GATA4: variants seen among roughly 807,000 people sequenced by gnomAD.
The protein encoded by GATA4 is transcription factor GATA-4.
Under a neutral mutation model 37.9 loss-of-function variants are expected in GATA4, and 7 were observed. The observed-to-expected ratio is 0.18, with a 90% CI of 0.11 to 0.35. The LOEUF (loss-of-function observed/expected upper bound fraction) is 0.35. Among genes scored for constraint, GATA4 ranks in the 10% least tolerant of loss-of-function variants. The pLI, the probability that GATA4 is intolerant of heterozygous loss-of-function variation, is 1.00. For synonymous variants in GATA4, 372 were observed against 292.6 expected (o/e 1.27, Z -2.77); for missense variants, 647 against 653.0 (o/e 0.99, Z 0.10).
intron 1 of GATA4, among the ~76,000 whole-genome samples, chr8:11,697,036 G>C (rs1799528647): frequency 2.6e-5 from 4 of 152,184 alleles, no homozygotes; most frequent in Admixed American, 1.3e-4. Context: ...GATGAGGTCG[G>C]GATAGCTCTG....
At chr8:11,724,404 T>A (rs928240890) in intron 2 of GATA4, among the ~76,000 whole-genome samples, 11 of 152,258 alleles carry the variant, frequency 7.2e-5, no homozygotes, top group Admixed American at 5.2e-4. Flanking sequence ...TTCCAGAGAC[T>A]GCACCATTTT....
At chr8:11,678,714 T>A (rs1220301668) in intron 1 of GATA4, among the ~76,000 whole-genome samples, 1 of 152,218 alleles carries the variant, frequency 6.6e-6, no homozygotes, top group Non-Finnish European at 1.5e-5. Context: ...GCTGGTCTCA[T>A]TTTGATAAAT....
intron 2 of GATA4, among the ~76,000 whole-genome samples, chr8:11,721,794 G>C (rs963652406): frequency 6.6e-6 from 1 of 152,148 alleles, no homozygotes; most frequent in African/African-American, 2.4e-5. Context: ...AAGGTGGTGG[G>C]ATGACATAGG....
chr8:11,725,932 C>T (rs1364924396), intron 2 of GATA4, among the ~76,000 whole-genome samples: 1 of 152,192 alleles, frequency 6.6e-6, no homozygotes, highest in Non-Finnish European at 1.5e-5. Context: ...TGACTCATCT[C>T]CAGCCACAAT....
At chr8:11,692,014 C>T, upstream of GATA4, 1 of 985,348 alleles carries the variant, frequency 1.0e-6, no homozygotes, top group Non-Finnish European at 1.2e-6. Flanking sequence ...GACTGCTTCG[C>T]AGGGGATCTG....
intron 2 of GATA4, among the ~76,000 whole-genome samples, chr8:11,725,126 G>A (rs974462738): frequency 1.3e-5 from 2 of 152,212 alleles, no homozygotes; most frequent in East Asian, 1.9e-4. Flanking sequence ...AGCCTCGTGC[G>A]CAGCCCATGC....
intron 2 of GATA4, among the ~76,000 whole-genome samples, chr8:11,748,052 C>T (rs909631141): frequency 4.6e-5 from 7 of 152,064 alleles, no homozygotes; most frequent in African/African-American, 7.2e-5. Context: ...AACCCCGTCT[C>T]TACTAAAAGC....
At chr8:11,702,533 G>A (rs1799714835), upstream of GATA4, among the ~76,000 whole-genome samples, 1 of 151,170 alleles carries the variant, frequency 6.6e-6, no homozygotes, top group South Asian at 2.1e-4. The surrounding 1 kb of genome is among the most constrained non-coding windows in gnomAD (Gnocchi z 4.4). Context: ...CTTCTCCGCT[G>A]AGTCCGAAGG....
intron 3 of GATA4, 70 bp from the exon 4 acceptor site, chr8:11,750,041 C>A: frequency 1.2e-6 from 2 of 1,610,008 alleles, no homozygotes; most frequent in Non-Finnish European, 1.7e-6. Flanking sequence ...AGCTCCGCAG[C>A]CACACGCGAG....
intron 2 of GATA4, among the ~76,000 whole-genome samples, chr8:11,736,123 C>A (rs1459795096): frequency 6.6e-6 from 1 of 151,954 alleles, no homozygotes; most frequent in Non-Finnish European, 1.5e-5. Context: ...GTTGCCCAGG[C>A]TGGTATTGAA....
intron 2 of GATA4, among the ~76,000 whole-genome samples, chr8:11,729,483 CA>C (rs1801100343): frequency 6.6e-6 from 1 of 150,424 alleles, no homozygotes; most frequent in Non-Finnish European, 1.5e-5. Context: ...GCAGGAGAAT[CA>C]TTTGAACCCA....
At chr8:11,739,438 A>G (rs1801615177) in intron 2 of GATA4, among the ~76,000 whole-genome samples, 1 of 147,396 alleles carries the variant, frequency 6.8e-6, no homozygotes, top group South Asian at 2.5e-4. Context: ...TGCTAGCAAG[A>G]GTGGGCTGGC....
At chr8:11,690,561 C>A (rs991861911), upstream of GATA4, among the ~76,000 whole-genome samples, 4 of 151,638 alleles carry the variant, frequency 2.6e-5, no homozygotes, top group Non-Finnish European at 5.9e-5. Context: ...ATTAAAAAAA[C>A]AAAAAAAAGC....
At chr8:11,756,855 A>G in intron 5 of GATA4, 80 bp from the exon 6 acceptor site, 1 of 1,592,986 alleles carries the variant, frequency 6.3e-7, no homozygotes, top group Non-Finnish European at 8.6e-7. Flanking sequence ...GCTTGCACCC[A>G]TCCCGGCTGT....
intron 2 of GATA4, among the ~76,000 whole-genome samples, chr8:11,744,771 G>C (rs1801948222): frequency 6.6e-6 from 1 of 152,192 alleles, no homozygotes; most frequent in Non-Finnish European, 1.5e-5. Context: ...TTGACTATTG[G>C]ATGTCTTTAG....
intron 1 of GATA4, chr8:11,697,866 G>C: frequency 1.0e-6 from 1 of 985,488 alleles, no homozygotes; most frequent in African/African-American, 1.7e-5. Context: ...CGGCCTTTGC[G>C]GAAACGGGCC....
chr8:11,684,035 C>T (rs1402447651), intron 1 of GATA4, among the ~76,000 whole-genome samples: 1 of 152,218 alleles, frequency 6.6e-6, no homozygotes, highest in Non-Finnish European at 1.5e-5. Context: ...GTAAGAGTTC[C>T]CCTGCCCAGG....
intron 2 of GATA4, among the ~76,000 whole-genome samples, chr8:11,745,411 CAAAAAA>C (rs3030049): frequency 0.32 from 33,106 of 104,076 alleles, 5,246 homozygotes; most frequent in East Asian, 0.63. Flanking sequence ...TTGTCTCTAC[CAAAAAA>C]AAAAAAAAAA....
chr8:11,679,921 C>A (rs965947798), intron 1 of GATA4, among the ~76,000 whole-genome samples: 1 of 152,138 alleles, frequency 6.6e-6, no homozygotes, highest in Admixed American at 6.5e-5. Context: ...TGTTGTGTGT[C>A]GCCGAATAGT....
Sources: allele counts gnomAD v4.1 joint callset (sites outside exome capture counted in the v4.1 genomes callset), GRCh38; gene constraint gnomAD v4.1.1; non-coding constraint Gnocchi (gnomAD v3.1); transcripts MANE v1.5; gene names NCBI Gene and HGNC (gene_info 2026-07-23, HGNC 2026-07-21).